Variants in ELMO1 observed in about 807,000 individuals in gnomAD.
ELMO1 encodes engulfment and cell motility 1.
ELMO1 carries 26 observed loss-of-function variants against 98.9 expected under a neutral mutation model. That is an observed-to-expected ratio of 0.26 (90% CI 0.19 to 0.36). The LOEUF (loss-of-function observed/expected upper bound fraction) is 0.36, where lower values mean the gene tolerates loss of function less well. Ranked by LOEUF, ELMO1 falls within the 10% of genes least tolerant of loss-of-function variation. ELMO1 has a pLI of 1.00. For missense variants in ELMO1, 627 were observed against 935.2 expected (o/e 0.67, Z 4.30); for synonymous variants, 346 against 346.0 (o/e 1.00, Z 0.00).
At chr7:37,077,079 G>A (rs574697433) in intron 15 of ELMO1, among the ~76,000 whole-genome samples, 20 of 152,326 alleles carry the variant, frequency 1.3e-4, no homozygotes, top group African/African-American at 4.8e-4. Context: ...GCTCCAACCC[G>A]TGCAGCCTCT....
At chr7:37,035,299 C>A (rs1795116023) in intron 15 of ELMO1, among the ~76,000 whole-genome samples, 1 of 152,176 alleles carries the variant, frequency 6.6e-6, no homozygotes, top group Non-Finnish European at 1.5e-5. Flanking sequence ...GCATTAAATT[C>A]TCCAGATTTT....
intron 5 of ELMO1, chr7:37,271,024 C>A (rs1480124013): frequency 6.6e-6 from 1 of 151,924 alleles, no homozygotes; most frequent in African/African-American, 2.4e-5. Flanking sequence ...CTGCAAGCTC[C>A]ACCTATTAGG....
chr7:36,876,439 T>C (rs2129044046), intron 19 of ELMO1, among the ~76,000 whole-genome samples: 1 of 152,254 alleles, frequency 6.6e-6, no homozygotes, highest in Admixed American at 6.5e-5. Context: ...CAACATGCTA[T>C]TAATTTACTT....
chr7:37,118,875 C>T (rs1785790516), intron 14 of ELMO1, among the ~76,000 whole-genome samples: 1 of 152,166 alleles, frequency 6.6e-6, no homozygotes, highest in African/African-American at 2.4e-5. Context: ...TGAAGCAAAA[C>T]ACATCTGTAG....
intron 16 of ELMO1, among the ~76,000 whole-genome samples, chr7:36,990,265 G>A (rs1791787371): frequency 6.6e-6 from 1 of 152,156 alleles, no homozygotes; most frequent in African/African-American, 2.4e-5. Context: ...AGCTTACAGA[G>A]CTGCTGGTGA....
intron 1 of ELMO1, among the ~76,000 whole-genome samples, chr7:37,362,887 T>C (rs111796602): frequency 0.081 from 12,340 of 152,216 alleles, 613 homozygotes; most frequent in Middle Eastern, 0.12. Flanking sequence ...TAAAGACATG[T>C]GAGTGGAAGT....
chr7:37,170,989 C>G (rs1403787366), intron 13 of ELMO1, among the ~76,000 whole-genome samples: 1 of 152,134 alleles, frequency 6.6e-6, no homozygotes, highest in South Asian at 2.1e-4. Context: ...TCTTTTAAAA[C>G]TATTTCACCA....
intron 16 of ELMO1, among the ~76,000 whole-genome samples, chr7:36,897,851 G>T (rs749720169): frequency 6.6e-6 from 1 of 152,204 alleles, no homozygotes; most frequent in Admixed American, 6.5e-5. Flanking sequence ...TCAGTTTGAA[G>T]AAAGTATAGA....
At chr7:37,360,686 T>G (rs891188528) in intron 1 of ELMO1, among the ~76,000 whole-genome samples, 5 of 152,142 alleles carry the variant, frequency 3.3e-5, no homozygotes, top group African/African-American at 1.2e-4. Context: ...TCAGCCCAAC[T>G]GAGTAGTAAG....
At chr7:36,895,099 T>C in intron 16 of ELMO1, 82 bp from the exon 17 acceptor site, 1 of 1,528,516 alleles carries the variant, frequency 6.5e-7, no homozygotes, top group Non-Finnish European at 8.9e-7. Context: ...AAGGGCTCCC[T>C]GCTTCCCTGG....
intron 1 of ELMO1, among the ~76,000 whole-genome samples, chr7:37,440,071 C>T (rs901445899): frequency 5.3e-5 from 8 of 152,038 alleles, no homozygotes; most frequent in Admixed American, 6.6e-5. Flanking sequence ...GTCCCACTCC[C>T]CCAAACCAAA....
chr7:37,030,046 C>T (rs1794790927), intron 15 of ELMO1, among the ~76,000 whole-genome samples: 1 of 152,100 alleles, frequency 6.6e-6, no homozygotes, highest in African/African-American at 2.4e-5. Context: ...GGAGAATTTG[C>T]CCTAAACCAA....
chr7:37,050,780 A>C (rs1584567323), intron 15 of ELMO1, among the ~76,000 whole-genome samples: 2 of 150,846 alleles, frequency 1.3e-5, no homozygotes, highest in Admixed American at 6.6e-5. Flanking sequence ...AAAAAAAAAA[A>C]CCCTATTTGA....
At chr7:37,291,954 G>A (rs1289770048) in intron 4 of ELMO1, among the ~76,000 whole-genome samples, 1 of 101,608 alleles carries the variant, frequency 9.8e-6, no homozygotes, top group Non-Finnish European at 2.0e-5. Flanking sequence ...CTCTGCCCAC[G>A]GTCTCCCTCT....
chr7:37,142,989 C>T (rs374023587), intron 13 of ELMO1, among the ~76,000 whole-genome samples: 1 of 152,168 alleles, frequency 6.6e-6, no homozygotes, highest in Admixed American at 6.5e-5. Flanking sequence ...CCTCCACAGG[C>T]ATTCATTTGC....
chr7:37,069,431 T>G (rs1484367975), intron 15 of ELMO1, among the ~76,000 whole-genome samples: 1 of 152,152 alleles, frequency 6.6e-6, no homozygotes, highest in African/African-American at 2.4e-5. Context: ...AACCACTTCA[T>G]GTATGAGGCA....
chr7:37,352,153 A>T (rs1054007025), intron 1 of ELMO1, among the ~76,000 whole-genome samples: 3 of 152,234 alleles, frequency 2.0e-5, no homozygotes, highest in African/African-American at 7.2e-5. Flanking sequence ...TTTATAAACA[A>T]GGAAACCAAG....
intron 1 of ELMO1, among the ~76,000 whole-genome samples, chr7:37,422,063 T>C (rs745727877): frequency 9.8e-5 from 15 of 152,350 alleles, no homozygotes; most frequent in Middle Eastern, 6.8e-3. Flanking sequence ...CAGATATTTG[T>C]GGTCTCATCT....
chr7:37,164,688 T>C (rs1161247094), intron 13 of ELMO1, among the ~76,000 whole-genome samples: 2 of 150,522 alleles, frequency 1.3e-5, no homozygotes, highest in African/African-American at 4.8e-5. Context: ...TTCTGTTCCA[T>C]TGATCTATAT....
Sources: gnomAD v4.1 joint callset for allele counts (sites outside exome capture counted in the v4.1 genomes callset) on GRCh38, gnomAD v4.1.1 for gene constraint, MANE v1.5 for transcripts, NCBI Gene and HGNC (gene_info 2026-07-23, HGNC 2026-07-21) for gene names.